ZFHX3: variants seen among roughly 807,000 people sequenced by gnomAD.
ZFHX3 encodes the protein zinc finger homeobox 3.
A neutral mutation model predicts 279.1 loss-of-function variants in ZFHX3; 42 were observed. The observed-to-expected ratio is 0.15, with a 90% confidence interval of 0.12 to 0.19. ZFHX3 has a LOEUF of 0.19. Ranked by LOEUF, ZFHX3 falls within the 10% of genes least tolerant of loss-of-function variation. ZFHX3 has a pLI of 1.00. For missense variants in ZFHX3, 4,981 were observed against 4,754.0 expected, an observed-to-expected ratio of 1.05 and a Z score of -1.40; for synonymous variants, 2,293 against 1,957.8, an observed-to-expected ratio of 1.17 and a Z score of -4.52.
intron 2 of ZFHX3, among the ~76,000 whole-genome samples, chr16:73,492,919 G>A (rs543721298): frequency 5.3e-5 from 8 of 151,950 alleles, no homozygotes; most frequent in Admixed American, 2.6e-4. Flanking sequence ...ACTGTGCATC[G>A]AGTACATAGT....
intron 5 of ZFHX3, among the ~76,000 whole-genome samples, chr16:73,241,915 A>T (rs2144944866): frequency 6.6e-6 from 1 of 152,122 alleles, no homozygotes; most frequent in Non-Finnish European, 1.5e-5. Context: ...TTGTGATCCT[A>T]AAACGTTGAG....
At chr16:73,557,611 C>T (rs113168504) in intron 2 of ZFHX3, among the ~76,000 whole-genome samples, 6,798 of 152,222 alleles carry the variant, frequency 0.045, 251 homozygotes, top group East Asian at 0.13. Context: ...TGTAAACTGT[C>T]ATGGTGCTGT....
At chr16:73,797,337 GTT>G (rs934768554) in intron 1 of ZFHX3, among the ~76,000 whole-genome samples, 6 of 152,168 alleles carry the variant, frequency 3.9e-5, no homozygotes, top group African/African-American at 1.4e-4. Flanking sequence ...AAAGAATCAG[GTT>G]ACACATTTGC....
At chr16:73,322,523 C>A (rs2015595863) in intron 3 of ZFHX3, among the ~76,000 whole-genome samples, 1 of 152,140 alleles carries the variant, frequency 6.6e-6, no homozygotes, top group Admixed American at 6.5e-5. Flanking sequence ...GAATAGCAAA[C>A]ATAGGAATAG....
chr16:73,791,147 T>C (rs1959810682), intron 1 of ZFHX3, among the ~76,000 whole-genome samples: 1 of 152,164 alleles, frequency 6.6e-6, no homozygotes, highest in African/African-American at 2.4e-5. Flanking sequence ...CTATTTTTTG[T>C]AGAGACAGGA....
chr16:73,831,099 A>G (rs921517738), intron 1 of ZFHX3, among the ~76,000 whole-genome samples: 5 of 152,212 alleles, frequency 3.3e-5, no homozygotes, highest in Non-Finnish European at 5.9e-5. Flanking sequence ...TTCAAAAGCA[A>G]CCATAAAAAT....
intron 1 of ZFHX3, among the ~76,000 whole-genome samples, chr16:73,820,208 G>C (rs906817804): frequency 6.6e-6 from 1 of 152,066 alleles, no homozygotes; most frequent in African/African-American, 2.4e-5. Context: ...TCCTGCCTCA[G>C]CCTCCCGAGT....
intron 3 of ZFHX3, among the ~76,000 whole-genome samples, chr16:73,398,769 T>C (rs1227929886): frequency 6.6e-6 from 1 of 152,214 alleles, no homozygotes; most frequent in Non-Finnish European, 1.5e-5. Flanking sequence ...GATGGCATGA[T>C]CCCATTGTCT....
chr16:73,162,713 G>A (rs1469116561), intron 5 of ZFHX3, among the ~76,000 whole-genome samples: 2 of 152,012 alleles, frequency 1.3e-5, no homozygotes, highest in Admixed American at 6.6e-5. Flanking sequence ...TCTGCCCACC[G>A]TGGCCTCCCA....
intron 5 of ZFHX3, among the ~76,000 whole-genome samples, chr16:73,224,420 A>G (rs981933162): frequency 1.3e-5 from 2 of 152,212 alleles, no homozygotes; most frequent in African/African-American, 4.8e-5. Context: ...CAAACCAGCT[A>G]CCATATTATG....
At chr16:73,125,121 C>T (rs1171289183) in intron 7 of ZFHX3, 2 of 151,644 alleles carry the variant, frequency 1.3e-5, no homozygotes, top group African/African-American at 4.8e-5. Context: ...ACCTAGCACC[C>T]AGTCACTGTT....
intron 5 of ZFHX3, among the ~76,000 whole-genome samples, chr16:73,194,946 C>T (rs370660239): frequency 9.2e-5 from 14 of 152,200 alleles, no homozygotes; most frequent in African/African-American, 3.4e-4. Flanking sequence ...TTGCAAGAAC[C>T]TGAATCAAAA....
chr16:73,888,680 T>G (rs1422233591), intron 1 of ZFHX3, among the ~76,000 whole-genome samples: 1 of 152,154 alleles, frequency 6.6e-6, no homozygotes, highest in Non-Finnish European at 1.5e-5. Flanking sequence ...AGATGCCGAT[T>G]CTGAAAACGA....
intron 1 of ZFHX3, among the ~76,000 whole-genome samples, chr16:73,021,285 A>G (rs961981036): frequency 1.3e-5 from 2 of 152,202 alleles, no homozygotes; most frequent in Admixed American, 1.3e-4. Context: ...AGCCCAGCCA[A>G]GGCCACAGGG....
chr16:73,833,385 A>G (rs1225764837), intron 1 of ZFHX3, among the ~76,000 whole-genome samples: 1 of 152,282 alleles, frequency 6.6e-6, no homozygotes, highest in South Asian at 2.1e-4. Context: ...TAAGTTATCA[A>G]TTCCTTGCAA....
At chr16:73,147,917 G>A (rs1269959155) in intron 5 of ZFHX3, among the ~76,000 whole-genome samples, 3 of 152,040 alleles carry the variant, frequency 2.0e-5, no homozygotes, top group Non-Finnish European at 2.9e-5. Flanking sequence ...TTCCATGATG[G>A]ACATTGTTAA....
intron 3 of ZFHX3, among the ~76,000 whole-genome samples, chr16:72,915,627 T>A (rs1207916818): frequency 6.6e-6 from 1 of 152,072 alleles, no homozygotes; most frequent in Non-Finnish European, 1.5e-5. Context: ...AGGTGTGTGG[T>A]ACATGCATGC....
intron 1 of ZFHX3, among the ~76,000 whole-genome samples, chr16:73,803,095 C>T (rs1240787336): frequency 1.3e-5 from 2 of 152,202 alleles, no homozygotes; most frequent in African/African-American, 4.8e-5. Flanking sequence ...GCCACCGTAC[C>T]AGGACAGCAT....
At chr16:73,031,567 C>T (rs1964701696) in intron 1 of ZFHX3, among the ~76,000 whole-genome samples, 1 of 152,158 alleles carries the variant, frequency 6.6e-6, no homozygotes, top group African/African-American at 2.4e-5. Flanking sequence ...TTCGTGGAGA[C>T]ATCGAGTAAA....
Sources: gnomAD v4.1 joint callset for allele counts (sites outside exome capture counted in the v4.1 genomes callset) on GRCh38, gnomAD v4.1.1 for gene constraint, MANE v1.5 for transcripts, NCBI Gene and HGNC (gene_info 2026-07-23, HGNC 2026-07-21) for gene names.